The following SH3GL3 variants were observed in gnomAD, a reference collection of about 807,000 sequenced individuals.
SH3GL3 encodes endophilin-A3.
SH3GL3 carries 33 observed loss-of-function variants against 47.7 expected under a neutral mutation model. That is an observed-to-expected ratio of 0.69 (90% CI 0.52 to 0.92). The LOEUF (loss-of-function observed/expected upper bound fraction) is 0.92. Ranked by LOEUF, SH3GL3 falls within the 40% of genes least tolerant of loss-of-function variation. The pLI is 0.00. For synonymous variants in SH3GL3, 155 were observed against 148.8 expected, an observed-to-expected ratio of 1.04 and a Z score of -0.30; for missense variants, 363 against 417.8, an observed-to-expected ratio of 0.87 and a Z score of 1.14.
In SH3GL3 at chr15:83,465,757, T is replaced by G. The variant is rs545938641; in HGVS notation, c.45+18179T>G. 2.6e-5 allele frequency among the ~76,000 whole-genome samples: 4 copies of G among 152,336 alleles called. No individual in the cohort carries two copies. In the South Asian group the frequency reaches 8.3e-4, roughly 32 times the overall value. On this transcript the variant is annotated intron_variant, in intron 1 of 8. Coordinates refer to ENST00000427482, the MANE Select transcript of SH3GL3 (RefSeq NM_003027.5). The stretch of plus-strand genomic sequence containing the variant: ...ATCACAAATATTTTAATATTTTCGA[T>G]ATTTTGATAATTGTTTTTCAATATA...
At chr15:83,545,710 C>G (rs894738070) in intron 1 of SH3GL3, among the ~76,000 whole-genome samples, 1 of 152,200 alleles carries the variant, frequency 6.6e-6, no homozygotes, top group African/African-American at 2.4e-5. Flanking sequence ...TGATCTAAGT[C>G]TTTGGTCACT....
intron 1 of SH3GL3, among the ~76,000 whole-genome samples, chr15:83,553,973 T>C (rs2044801646): frequency 6.6e-6 from 1 of 152,164 alleles, no homozygotes; most frequent in Admixed American, 6.6e-5. Context: ...TCACTGTTAT[T>C]TGAGTCTGTG....
At position 83,447,950 on chromosome 15, in the gene SH3GL3, C is replaced by G. The variant is rs2039525346; in HGVS notation, c.45+372C>G. Reference sequence around the variant, plus strand: ...GAGTACGATGCCGGCAGGGCCTCCCCCGAGTCTCCAGCCGTTTGGTTGGGA... The same window carrying G: ...GAGTACGATGCCGGCAGGGCCTCCCGCGAGTCTCCAGCCGTTTGGTTGGGA... On this transcript the variant is annotated intron_variant, in intron 1 of 8. Transcript: ENST00000427482. The surrounding 1 kb of genome is among the most constrained non-coding windows in gnomAD (Gnocchi z 5.1). Among the ~76,000 whole-genome samples, 1 of 152,150 alleles carries G rather than the reference C, an allele frequency of 6.6e-6. No homozygotes were observed. Among genetic ancestry groups the G allele is most frequent in the African/African-American group, 2.4e-5 (1 of 41,440 alleles).
intron 1 of SH3GL3, chr15:83,490,878 G>A (rs766870533): frequency 2.7e-5 from 44 of 1,614,158 alleles, no homozygotes; most frequent in Non-Finnish European, 3.6e-5. Flanking sequence ...AAGCTAATAG[G>A]TGCCTTACCT....
chr15:83,595,631 TTTC>T (rs2060217913), intron 8 of SH3GL3, among the ~76,000 whole-genome samples: 1 of 151,836 alleles, frequency 6.6e-6, no homozygotes. Context: ...TTTTTTTTTT[TTTC>T]CTGCATGAAG....
At chr15:83,553,830 C>A (rs2044789069) in intron 1 of SH3GL3, among the ~76,000 whole-genome samples, 1 of 151,976 alleles carries the variant, frequency 6.6e-6, no homozygotes, top group African/African-American at 2.4e-5. Context: ...TTGGTTTTTG[C>A]TTGTTTGTTT....
At chr15:83,498,191 T>TA (rs2042155137) in intron 1 of SH3GL3, among the ~76,000 whole-genome samples, 1 of 152,168 alleles carries the variant, frequency 6.6e-6, no homozygotes, top group African/African-American at 2.4e-5. Context: ...AAAAAATATA[T>TA]TTTTTAAGTC....
chr15:83,570,984 C>T (rs1048603196), intron 4 of SH3GL3, among the ~76,000 whole-genome samples: 3 of 152,200 alleles, frequency 2.0e-5, no homozygotes, highest in South Asian at 2.1e-4. Flanking sequence ...CCCAGGTGCT[C>T]GGCAACCGAA....
intron 1 of SH3GL3, among the ~76,000 whole-genome samples, chr15:83,507,983 C>G (rs1245467954): frequency 6.6e-6 from 1 of 152,080 alleles, no homozygotes; most frequent in Non-Finnish European, 1.5e-5. Context: ...TGCTCTGTCA[C>G]CAGGCTGGAG....
intron 1 of SH3GL3, among the ~76,000 whole-genome samples, chr15:83,525,535 A>G (rs1401214959): frequency 1.3e-5 from 2 of 151,988 alleles, no homozygotes; most frequent in Admixed American, 6.6e-5. Context: ...ATATAGTTCT[A>G]TTTGTTTAAT....
intron 1 of SH3GL3, among the ~76,000 whole-genome samples, chr15:83,536,564 G>A (rs576376747): frequency 2.0e-4 from 30 of 151,640 alleles, no homozygotes; most frequent in Admixed American, 5.3e-4. Context: ...CACCATGCCC[G>A]GCTAATTTTT....
chr15:83,491,572 A>T (rs1322538443), intron 1 of SH3GL3, among the ~76,000 whole-genome samples: 1 of 152,218 alleles, frequency 6.6e-6, no homozygotes, highest in Admixed American at 6.5e-5. Context: ...AAAGTCAGAA[A>T]TTCACGTGGT....
chr15:83,524,014 G>A (rs940160154), intron 1 of SH3GL3, among the ~76,000 whole-genome samples: 1 of 151,416 alleles, frequency 6.6e-6, no homozygotes, highest in Non-Finnish European at 1.5e-5. Context: ...GTAGGAACTG[G>A]TAATACTATA....
At chr15:83,601,736 T>C (rs899221909) in intron 8 of SH3GL3, among the ~76,000 whole-genome samples, 1 of 152,116 alleles carries the variant, frequency 6.6e-6, no homozygotes, top group Non-Finnish European at 1.5e-5. Flanking sequence ...GGATTCCCTC[T>C]TTCTGTATCT....
intron 8 of SH3GL3, among the ~76,000 whole-genome samples, chr15:83,591,849 C>T (rs1198909411): frequency 6.6e-6 from 1 of 152,074 alleles, no homozygotes; most frequent in Non-Finnish European, 1.5e-5. Context: ...CCGTGCCTGG[C>T]TAATTTTTTG....
chr15:83,466,730 T>G (rs1188313058), intron 1 of SH3GL3, among the ~76,000 whole-genome samples: 1 of 152,230 alleles, frequency 6.6e-6, no homozygotes, highest in Non-Finnish European at 1.5e-5. Flanking sequence ...TCATTCTTTT[T>G]AATTTTAGCC....
intron 1 of SH3GL3, among the ~76,000 whole-genome samples, chr15:83,506,893 C>T (rs1187913276): frequency 6.6e-6 from 1 of 151,918 alleles, no homozygotes; most frequent in Non-Finnish European, 1.5e-5. Flanking sequence ...AGCATCGCAG[C>T]TCTGCCCCAT....
intron 5 of SH3GL3, among the ~76,000 whole-genome samples, chr15:83,573,107 A>G (rs1416551097): frequency 6.6e-6 from 1 of 152,132 alleles, no homozygotes; most frequent in Admixed American, 6.5e-5. Context: ...AATACCTAGA[A>G]ATTGAATTTT....
intron 1 of SH3GL3, among the ~76,000 whole-genome samples, chr15:83,480,613 T>A (rs2041306814): frequency 6.6e-6 from 1 of 152,146 alleles, no homozygotes; most frequent in Non-Finnish European, 1.5e-5. Context: ...GGTTCCACAT[T>A]TGTGGAGTCA....
Sources: gnomAD v4.1 joint callset for allele counts (sites outside exome capture counted in the v4.1 genomes callset) on GRCh38, gnomAD v4.1.1 for gene constraint, Gnocchi (gnomAD v3.1) non-coding constraint, MANE v1.5 for transcripts, NCBI Gene and HGNC (gene_info 2026-07-23, HGNC 2026-07-21) for gene names.